Variants in ATP8B1 observed in about 807,000 individuals in gnomAD.
ATP8B1 encodes ATPase phospholipid transporting 8B1.
ATP8B1 carries 80 observed loss-of-function variants against 149.9 expected under a neutral mutation model. The ratio of observed to expected loss-of-function variants is 0.53; its 90% CI spans 0.45 to 0.64. The LOEUF is 0.64. ATP8B1 is among the 30% of genes least tolerant of loss of function. The pLI, the probability that ATP8B1 is intolerant of heterozygous loss-of-function variation, is 0.00. For missense variants in ATP8B1, 1,247 were observed against 1,552.6 expected, an observed-to-expected ratio of 0.80 and a Z score of 3.31; for synonymous variants, 536 against 562.8, an observed-to-expected ratio of 0.95 and a Z score of 0.67.
chr18:57,731,756 T>C lies in ATP8B1; in HGVS notation c.52A>G (p.Asn18Asp). Residue 18 changes from asparagine (N) to aspartate (D), a missense_variant, in exon 2 of 28, where the codon AAT becomes GAT. Physicochemically the swap from Asn to Asp is conservative, Grantham distance 23. Transcript: ENST00000648908. Reference protein sequence around the residue: ...ETTFDEDSQPNDEVVPYSDDE... With the variant: ...ETTFDEDSQPDDEVVPYSDDE... ...TCACTGTAGGGAACCACTTCGTCATTAGGCTGAGAATCCTCGTCAAATGTC... is the reference window on the plus strand; with the variant it reads ...TCACTGTAGGGAACCACTTCGTCATCAGGCTGAGAATCCTCGTCAAATGTC... 1 of 1,614,118 alleles carries C rather than the reference T, an allele frequency of 6.2e-7. No individual in the cohort carries two copies. The highest frequency in any genetic ancestry group is 8.5e-7 in the Non-Finnish European group (1 of 1,180,008).
At chr18:57,708,654 C>G (rs1913540197) in intron 2 of ATP8B1, 1 of 152,140 alleles carries the variant, frequency 6.6e-6, no homozygotes, top group African/African-American at 2.4e-5. Flanking sequence ...GAAAAACAGA[C>G]AAGATTTCTC....
chr18:57,789,267 G>C (rs2080438588), intron 1 of ATP8B1, among the ~76,000 whole-genome samples: 1 of 152,134 alleles, frequency 6.6e-6, no homozygotes, highest in Admixed American at 6.5e-5. Context: ...CCCTATCTCT[G>C]AGTCATTTGG....
At chr18:57,675,414 A>G (rs1315688441) in intron 15 of ATP8B1, among the ~76,000 whole-genome samples, 2 of 152,224 alleles carry the variant, frequency 1.3e-5, no homozygotes, top group East Asian at 3.8e-4. Context: ...ATCTGAGCAT[A>G]TTGCCATCCC....
intron 1 of ATP8B1, among the ~76,000 whole-genome samples, chr18:57,751,059 G>A (rs964797208): frequency 6.6e-6 from 1 of 152,164 alleles, no homozygotes; most frequent in Admixed American, 6.5e-5. Context: ...GGAGGCAGAG[G>A]TTGCAGTGAG....
rs2079659468 is a variant in ATP8B1 at position 57,722,601 on chromosome 18, A to T, written c.181+9026T>A. Among the ~76,000 whole-genome samples, 3 of 83,936 alleles carry T rather than the reference A, an allele frequency of 3.6e-5. No individual in the cohort carries two copies. In the South Asian group the frequency reaches 1.5e-3, roughly 43 times the overall value. The allele number at this position is 83,936 out of a possible 152,430, so 55.1% of individuals were successfully genotyped here. On this transcript the variant is annotated intron_variant, in intron 2 of 27. Transcript: ENST00000648908. ...TAACAGGATCTGAAATTGTGGCAATAATCAATAGTTTACCAACCAAAAAGA... is the reference window on the plus strand; with the variant it reads ...TAACAGGATCTGAAATTGTGGCAATTATCAATAGTTTACCAACCAAAAAGA...
intron 1 of ATP8B1, among the ~76,000 whole-genome samples, chr18:57,764,389 C>T (rs1170502780): frequency 6.9e-6 from 1 of 144,538 alleles, no homozygotes; most frequent in African/African-American, 2.6e-5. Flanking sequence ...CTTTTTCTCT[C>T]TTTCTCTCTT....
At chr18:57,665,572 A>T (rs1333246250) in intron 20 of ATP8B1, among the ~76,000 whole-genome samples, 2 of 151,202 alleles carry the variant, frequency 1.3e-5, no homozygotes, top group Non-Finnish European at 2.9e-5. Context: ...TTTTTTTTTG[A>T]GACGGAGTCT....
chr18:57,786,482 C>A (rs1164437673), intron 1 of ATP8B1, among the ~76,000 whole-genome samples: 1 of 152,136 alleles, frequency 6.6e-6, no homozygotes, highest in African/African-American at 2.4e-5. Context: ...AGAGTGCAGC[C>A]CCCAGTCATG....
chr18:57,655,139 T>C, intron 23 of ATP8B1, 55 bp downstream of exon 23: 1 of 1,489,578 alleles, frequency 6.7e-7, no homozygotes, highest in Non-Finnish European at 9.3e-7. Flanking sequence ...AACTAGATTT[T>C]TATTCATTTA....
intron 1 of ATP8B1, among the ~76,000 whole-genome samples, chr18:57,787,401 C>T (rs1224109519): frequency 7.4e-6 from 1 of 134,706 alleles, no homozygotes; most frequent in Non-Finnish European, 1.7e-5. Context: ...CCATCTAGAG[C>T]ACTGCGGGAG....
rs547579303 is a variant in ATP8B1 at position 57,743,656 on chromosome 18, C to T, written c.-25-11824G>A. On this transcript the variant is annotated intron_variant, in intron 1 of 27. Transcript: ENST00000648908. ...AGGCAGGAAAATGCAATGGAAAGGC[C>T]CAGCACCGGCGCAGGTGGGAGATCT... 5.9e-5 allele frequency among the ~76,000 whole-genome samples: 9 copies of T among 152,044 alleles called. No homozygotes were observed. The South Asian group carries it at 1.9e-3, about 32-fold the overall frequency.
chr18:57,652,541 G>A lies in ATP8B1; in HGVS notation c.3204C>T (p.Asp1068=), dbSNP rs771564318. The A allele has an allele frequency of 6.2e-7, 1 of 1,614,198 alleles. No individual in the cohort carries two copies. The highest frequency in any genetic ancestry group is 8.5e-7 in the Non-Finnish European group (1 of 1,180,034). ...CAATGGTGACGGCAAAAGACTGGTA[G>A]TCGGAAGGTGCCTCTCCATCCTGCC... The part of the protein sequence containing the change: ...TVGQDGEAPS[D]YQSFAVTIAS... Residue 1068 remains aspartate (D), a synonymous_variant, in exon 25 of 28, where the codon GAC becomes GAT. Coordinates refer to ENST00000648908, the MANE Select transcript of ATP8B1 (RefSeq NM_001374385.1).
intron 2 of ATP8B1, among the ~76,000 whole-genome samples, chr18:57,718,169 A>C (rs1263112672): frequency 6.6e-6 from 1 of 151,950 alleles, no homozygotes; most frequent in African/African-American, 2.4e-5. Flanking sequence ...AGAGCTGAAA[A>C]AGAAGACATT....
chr18:57,732,217 GTATATATGTATATATGTGTA>G (rs2079783503), intron 1 of ATP8B1, among the ~76,000 whole-genome samples: 18 of 13,580 alleles, frequency 1.3e-3, no homozygotes, highest in Non-Finnish European at 2.9e-3. Context: ...GTATATATGT[GTATATATGTATATATGTGTA>G]TATATATGTA....
chr18:57,689,526 A>G, intron 12 of ATP8B1, among the ~76,000 whole-genome samples: 1 of 152,206 alleles, frequency 6.6e-6, no homozygotes, highest in East Asian at 1.9e-4. Context: ...AGATGGAAAA[A>G]TGATGCTCTC....
intron 20 of ATP8B1, among the ~76,000 whole-genome samples, chr18:57,665,627 A>C (rs1910803281): frequency 6.6e-6 from 1 of 151,848 alleles, no homozygotes; most frequent in Non-Finnish European, 1.5e-5. Context: ...ATCTTGGCTC[A>C]CTGCAACCTC....
intron 2 of ATP8B1, among the ~76,000 whole-genome samples, chr18:57,726,651 G>T (rs1331594978): frequency 1.3e-5 from 2 of 152,198 alleles, no homozygotes; most frequent in Non-Finnish European, 1.5e-5. Flanking sequence ...AACTTGGGCT[G>T]CAAAGTAGCA....
chr18:57,777,777 C>T (rs2080318352), intron 1 of ATP8B1, among the ~76,000 whole-genome samples: 1 of 152,104 alleles, frequency 6.6e-6, no homozygotes, highest in Non-Finnish European at 1.5e-5. Context: ...GCCGTGTTGG[C>T]CAAGCTGGTT....
At position 57,702,068 on chromosome 18, in the gene ATP8B1, TC is replaced by T. The variant is rs779704543; in HGVS notation, c.394-756del. ...ACTGCAGGTTTCTCAGTCAGTGGTT[TC>T]TGAGGATCCCATGCTGAAGGCAATG... On this transcript the variant is annotated intron_variant, in intron 4 of 27. Coordinates refer to ENST00000648908, the MANE Select transcript of ATP8B1 (RefSeq NM_001374385.1). Among the ~76,000 whole-genome samples, 34 of 152,302 alleles carry T rather than the reference TC, an allele frequency of 2.2e-4. 1 individual carries two copies. The highest frequency in any genetic ancestry group is 1.8e-3 in the Admixed American group (28 of 15,292).
Sources: gnomAD v4.1 joint callset for allele counts (sites outside exome capture counted in the v4.1 genomes callset) on GRCh38, gnomAD v4.1.1 for gene constraint, MANE v1.5 for transcripts, NCBI Gene and HGNC (gene_info 2026-07-23, HGNC 2026-07-21) for gene names.